Variants in SNTG1 observed in about 807,000 individuals in gnomAD.
SNTG1 encodes gamma-1-syntrophin.
In SNTG1, 39 loss-of-function variants were observed where a neutral mutation model predicts 74.7. That is an observed-to-expected ratio of 0.52 (90% CI 0.40 to 0.68). SNTG1 has a LOEUF of 0.68. Ranked by LOEUF, SNTG1 falls within the 30% of genes least tolerant of loss-of-function variation. The probability of loss-of-function intolerance (pLI) is 0.00; values close to 1 mark genes in which losing one functional copy is unlikely to be tolerated. For synonymous variants in SNTG1, 254 were observed against 217.1 expected (o/e 1.17, Z -1.49); for missense variants, 685 against 609.5 (o/e 1.12, Z -1.30).
At chr8:50,362,057 C>A (rs2091974527) in intron 2 of SNTG1, among the ~76,000 whole-genome samples, 1 of 152,096 alleles carries the variant, frequency 6.6e-6, no homozygotes, top group African/African-American at 2.4e-5. Flanking sequence ...TTCTTGTTTT[C>A]TTATTTACCC....
chr8:50,228,074 CAG>C (rs901390597), intron 2 of SNTG1, among the ~76,000 whole-genome samples: 11 of 151,222 alleles, frequency 7.3e-5, no homozygotes, highest in Admixed American at 6.6e-4. Flanking sequence ...TGGAACATAA[CAG>C]AAAAATATAG....
At chr8:50,477,775 T>C (rs1026877798) in intron 8 of SNTG1, among the ~76,000 whole-genome samples, 2 of 152,222 alleles carry the variant, frequency 1.3e-5, no homozygotes, top group Non-Finnish European at 2.9e-5. Flanking sequence ...AGTTTCTGTA[T>C]ATCTAAAACT....
intron 8 of SNTG1, among the ~76,000 whole-genome samples, chr8:50,466,537 T>C (rs1210846324): frequency 3.3e-5 from 5 of 152,050 alleles, no homozygotes; most frequent in Admixed American, 2.0e-4. Flanking sequence ...TGCTGTTTCA[T>C]ATACATTTTA....
intron 18 of SNTG1, among the ~76,000 whole-genome samples, chr8:50,757,473 C>T (rs1229611425): frequency 6.6e-6 from 1 of 151,772 alleles, no homozygotes; most frequent in African/African-American, 2.4e-5. Context: ...TCTGTGCCAC[C>T]TGGAATCAAT....
chr8:50,161,259 A>T (rs770576005), intron 1 of SNTG1, among the ~76,000 whole-genome samples: 1 of 152,234 alleles, frequency 6.6e-6, no homozygotes, highest in Non-Finnish European at 1.5e-5. Context: ...CTATATGATC[A>T]GTTTTTCATG....
intron 1 of SNTG1, among the ~76,000 whole-genome samples, chr8:50,087,350 A>G (rs913145064): frequency 6.6e-6 from 1 of 152,182 alleles, no homozygotes; most frequent in African/African-American, 2.4e-5. Flanking sequence ...TGGTATCTCA[A>G]ATAGAGAGCT....
chr8:50,108,148 T>A (rs2131285975), intron 1 of SNTG1, among the ~76,000 whole-genome samples: 1 of 152,302 alleles, frequency 6.6e-6, no homozygotes, highest in Admixed American at 6.5e-5. Context: ...TCTCTTTAAA[T>A]AATTAGGCCA....
intron 2 of SNTG1, among the ~76,000 whole-genome samples, chr8:50,284,189 TTC>T (rs1320868068): frequency 6.6e-6 from 1 of 152,108 alleles, no homozygotes; most frequent in East Asian, 1.9e-4. Context: ...TTAGATGTTT[TTC>T]TTATGAATAG....
At chr8:50,751,612 T>C (rs1319225232) in intron 17 of SNTG1, among the ~76,000 whole-genome samples, 1 of 152,024 alleles carries the variant, frequency 6.6e-6, no homozygotes, top group South Asian at 2.1e-4. Context: ...TAATATGTCA[T>C]CTTAATAAAG....
At chr8:49,999,421 A>C (rs529443312) in intron 1 of SNTG1, among the ~76,000 whole-genome samples, 1 of 151,214 alleles carries the variant, frequency 6.6e-6, no homozygotes, top group Non-Finnish European at 1.5e-5. Flanking sequence ...GTCATTATTC[A>C]CTCTCCTCCA....
At chr8:50,750,406 C>T (rs949156553) in intron 17 of SNTG1, among the ~76,000 whole-genome samples, 4 of 151,958 alleles carry the variant, frequency 2.6e-5, no homozygotes, top group African/African-American at 7.2e-5. Flanking sequence ...TAGAATATTA[C>T]ATTAATTTAG....
intron 1 of SNTG1, among the ~76,000 whole-genome samples, chr8:49,918,175 A>C (rs1290613046): frequency 2.0e-5 from 3 of 152,214 alleles, no homozygotes; most frequent in Non-Finnish European, 2.9e-5. Context: ...ATGTTTTTAC[A>C]ATTTTAAAAT....
At chr8:50,265,108 G>A (rs1057305020) in intron 2 of SNTG1, among the ~76,000 whole-genome samples, 13 of 151,958 alleles carry the variant, frequency 8.6e-5, no homozygotes, top group African/African-American at 3.1e-4. Flanking sequence ...TTAAAAAAGA[G>A]TGAACACTCC....
intron 13 of SNTG1, among the ~76,000 whole-genome samples, chr8:50,610,304 T>C (rs1178599864): frequency 1.3e-5 from 2 of 152,160 alleles, no homozygotes; most frequent in Admixed American, 6.6e-5. Flanking sequence ...CTTACACCCA[T>C]AGGATTCCAC....
chr8:50,023,015 T>A (rs1034259096), intron 1 of SNTG1, among the ~76,000 whole-genome samples: 3 of 152,180 alleles, frequency 2.0e-5, no homozygotes, highest in Non-Finnish European at 4.4e-5. Flanking sequence ...TAGTTAATGT[T>A]TTCTGTGAAT....
At chr8:50,698,100 A>G (rs2095411299) in intron 15 of SNTG1, among the ~76,000 whole-genome samples, 1 of 151,620 alleles carries the variant, frequency 6.6e-6, no homozygotes, top group African/African-American at 2.4e-5. Flanking sequence ...TAGTTGGGAG[A>G]TTTTTTTATT....
chr8:50,325,734 T>A (rs916759560), intron 2 of SNTG1, among the ~76,000 whole-genome samples: 11 of 152,116 alleles, frequency 7.2e-5, no homozygotes, highest in African/African-American at 2.7e-4. Flanking sequence ...TATTTCCTTT[T>A]CACATAGTAT....
intron 1 of SNTG1, among the ~76,000 whole-genome samples, chr8:50,086,450 T>C (rs542293238): frequency 6.6e-6 from 1 of 152,282 alleles, no homozygotes; most frequent in South Asian, 2.1e-4. Flanking sequence ...AGAAAAAGGG[T>C]CAATATGATG....
chr8:50,782,124 G>A (rs934614306), intron 18 of SNTG1, among the ~76,000 whole-genome samples: 4 of 152,110 alleles, frequency 2.6e-5, no homozygotes, highest in African/African-American at 7.2e-5. Flanking sequence ...CTTTCTCTCT[G>A]GCTGCCCATA....
Sources: allele counts gnomAD v4.1 joint callset (sites outside exome capture counted in the v4.1 genomes callset), GRCh38; gene constraint gnomAD v4.1.1; transcripts MANE v1.5; gene names NCBI Gene and HGNC (gene_info 2026-07-23, HGNC 2026-07-21).